ATP8A1: variants seen among roughly 807,000 people sequenced by gnomAD.
ATP8A1 encodes ATPase phospholipid transporting 8A1.
In ATP8A1, 90 loss-of-function variants were observed where a neutral mutation model predicts 177.7. The ratio of observed to expected loss-of-function variants is 0.51; its 90% CI spans 0.43 to 0.60. The LOEUF is 0.60. Ranked by LOEUF, ATP8A1 falls within the 20% of genes least tolerant of loss-of-function variation. The pLI is 0.00. For synonymous variants in ATP8A1, 493 were observed against 485.9 expected, an observed-to-expected ratio of 1.01 and a Z score of -0.19; for missense variants, 1,072 against 1,392.8, an observed-to-expected ratio of 0.77 and a Z score of 3.67.
chr4:42,635,094 G>A (rs752613674), intron 1 of ATP8A1, among the ~76,000 whole-genome samples: 1 of 152,108 alleles, frequency 6.6e-6, no homozygotes, highest in Non-Finnish European at 1.5e-5. Flanking sequence ...GTTGTGACCA[G>A]TGTAAATCAA....
chr4:42,575,459 A>G (rs1032371266), intron 13 of ATP8A1, among the ~76,000 whole-genome samples, 163 bp downstream of exon 13: 2 of 152,226 alleles, frequency 1.3e-5, no homozygotes, highest in South Asian at 2.1e-4. Context: ...TTAAAAACTG[A>G]TTTATTAAAA....
chr4:42,535,047 G>C (rs890368871), intron 20 of ATP8A1, among the ~76,000 whole-genome samples: 2 of 151,586 alleles, frequency 1.3e-5, no homozygotes, highest in African/African-American at 4.9e-5. Context: ...CACCAAAATA[G>C]AACTTCCTTA....
At chr4:42,650,507 G>C (rs1175610873) in intron 1 of ATP8A1, among the ~76,000 whole-genome samples, 6 of 152,080 alleles carry the variant, frequency 3.9e-5, no homozygotes, top group Admixed American at 2.6e-4. Context: ...CTTTTACCTG[G>C]AATAGCGTCC....
At chr4:42,544,464 C>T (rs2153207261) in intron 19 of ATP8A1, among the ~76,000 whole-genome samples, 1 of 152,274 alleles carries the variant, frequency 6.6e-6, no homozygotes, top group African/African-American at 2.4e-5. Context: ...CTTAAGCATT[C>T]ACAACTAGTT....
At chr4:42,464,868 G>A in intron 26 of ATP8A1, 25 bp downstream of exon 26, 2 of 1,612,894 alleles carry the variant, frequency 1.2e-6, no homozygotes, top group South Asian at 1.1e-5. Flanking sequence ...GAGGAATGAT[G>A]TGTTTTGCAG....
chr4:42,556,157 T>A, intron 15 of ATP8A1, 117 bp from the exon 16 acceptor site: 1 of 578,356 alleles, frequency 1.7e-6, no homozygotes, highest in Non-Finnish European at 2.9e-6. Flanking sequence ...AAATTAAATG[T>A]AATTTGGCCT....
chr4:42,596,776 T>A (rs1734764692), intron 6 of ATP8A1, among the ~76,000 whole-genome samples: 1 of 151,988 alleles, frequency 6.6e-6, no homozygotes, highest in Non-Finnish European at 1.5e-5. Context: ...CAGCCCACCA[T>A]GCTTCCTTAA....
In ATP8A1 at chr4:42,471,563, G is replaced by C. The variant is rs745873903; in HGVS notation, c.2325-6487C>G. Among the ~76,000 whole-genome samples, 6 of 152,330 alleles carry C rather than the reference G, an allele frequency of 3.9e-5. 1 individual carries two copies. Among genetic ancestry groups the C allele is most frequent in the Middle Eastern group, 6.8e-3 (2 of 294 alleles). On this transcript the variant is annotated intron_variant, in intron 25 of 36. Transcript: ENST00000381668. ...TGATGGTGTGTATTTGATTATGCAT[G>C]TATGTGCATGTGTGCACTAATTAGC...
chr4:42,485,721 A>T, intron 24 of ATP8A1, 53 bp from the exon 25 acceptor site: 1 of 1,472,642 alleles, frequency 6.8e-7, no homozygotes, highest in South Asian at 1.3e-5. Context: ...CATTTGTTCT[A>T]CTAGGATGCC....
rs73237909 is a variant in ATP8A1 at position 42,601,455 on chromosome 4, C to T, written c.410-937G>A. Among the ~76,000 whole-genome samples, 1,171 of 151,066 alleles carry T rather than the reference C, an allele frequency of 7.8e-3. 5 individuals carry two copies. Among genetic ancestry groups the T allele is most frequent in the Non-Finnish European group, 0.014 (940 of 67,886 alleles). ...TTCTTAGGGTTTCGCTACTGCTTCACATCAGTAGGGTTATCCAGTATAATT... is the reference window on the plus strand; with the variant it reads ...TTCTTAGGGTTTCGCTACTGCTTCATATCAGTAGGGTTATCCAGTATAATT... On this transcript the variant is annotated intron_variant, in intron 5 of 36. Coordinates refer to ENST00000381668, the MANE Select transcript of ATP8A1 (RefSeq NM_006095.2).
At chr4:42,608,595 TG>T (rs1736063354) in intron 5 of ATP8A1, among the ~76,000 whole-genome samples, 1 of 152,138 alleles carries the variant, frequency 6.6e-6, no homozygotes, top group Non-Finnish European at 1.5e-5. Context: ...CCTGACCTTG[TG>T]ATCTGCCTGC....
At chr4:42,575,818 G>T in intron 12 of ATP8A1, 119 bp from the exon 13 acceptor site, 1 of 814,308 alleles carries the variant, frequency 1.2e-6, no homozygotes, top group Non-Finnish European at 2.0e-6. Context: ...TGAACTATAT[G>T]TAGGCACTAA....
At chr4:42,502,585 TCA>T (rs565817996) in intron 24 of ATP8A1, among the ~76,000 whole-genome samples, 15 of 152,186 alleles carry the variant, frequency 9.9e-5, no homozygotes, top group Non-Finnish European at 1.9e-4. Context: ...TGCTTCTGCA[TCA>T]CAGAGACAGC....
At chr4:42,631,671 T>A (rs1311456042) in intron 1 of ATP8A1, among the ~76,000 whole-genome samples, 1 of 152,204 alleles carries the variant, frequency 6.6e-6, no homozygotes. Flanking sequence ...AGAGTGCTGA[T>A]AATGTTTAAC....
At chr4:42,558,908 C>G (rs1422036577) in intron 15 of ATP8A1, among the ~76,000 whole-genome samples, 4 of 152,222 alleles carry the variant, frequency 2.6e-5, no homozygotes, top group Non-Finnish European at 4.4e-5. Context: ...GGTGCAGTAG[C>G]TCACGCCTGT....
intron 20 of ATP8A1, among the ~76,000 whole-genome samples, chr4:42,539,233 CA>C (rs1441155766): frequency 6.6e-6 from 1 of 151,082 alleles, no homozygotes; most frequent in Non-Finnish European, 1.5e-5. Flanking sequence ...GAGAATGATA[CA>C]ACATACTTTG....
At chr4:42,562,696 T>G (rs1031288806) in intron 15 of ATP8A1, among the ~76,000 whole-genome samples, 2 of 152,194 alleles carry the variant, frequency 1.3e-5, no homozygotes, top group African/African-American at 4.8e-5. Context: ...AGAGACCTGA[T>G]GGAAGGCAAT....
At chr4:42,582,100 T>C (rs1380294959) in intron 9 of ATP8A1, among the ~76,000 whole-genome samples, 2 of 152,158 alleles carry the variant, frequency 1.3e-5, no homozygotes, top group African/African-American at 2.4e-5. Flanking sequence ...AAGGGATTAA[T>C]GCCCTTATAA....
intron 36 of ATP8A1, among the ~76,000 whole-genome samples, chr4:42,413,286 G>A (rs186680079): frequency 2.6e-5 from 4 of 152,210 alleles, no homozygotes; most frequent in East Asian, 1.9e-4. Flanking sequence ...CCTCTGTCCC[G>A]TAAGTCAACT....
Sources: allele counts gnomAD v4.1 joint callset (sites outside exome capture counted in the v4.1 genomes callset), GRCh38; gene constraint gnomAD v4.1.1; transcripts MANE v1.5; gene names NCBI Gene and HGNC (gene_info 2026-07-23, HGNC 2026-07-21).